Variants in C21orf58 observed in about 807,000 individuals in gnomAD.
C21orf58 encodes the protein chromosome 21 open reading frame 58, also known as uncharacterized protein C21orf58.
In C21orf58, 34 loss-of-function variants were observed where a neutral mutation model predicts 35.8. The ratio of observed to expected loss-of-function variants is 0.95; its 90% confidence interval spans 0.72 to 1.26. C21orf58 has a LOEUF of 1.26. Ranked by LOEUF, C21orf58 falls within the 50% of genes most tolerant of loss-of-function variation. C21orf58 has a pLI of 0.00. For synonymous variants in C21orf58, 191 were observed against 175.8 expected (o/e 1.09, Z -0.68); for missense variants, 440 against 414.3 (o/e 1.06, Z -0.54).
intron 5 of C21orf58, among the ~76,000 whole-genome samples, chr21:46,313,666 G>C (rs2082841801): frequency 6.6e-6 from 1 of 152,186 alleles, no homozygotes; most frequent in Non-Finnish European, 1.5e-5. Flanking sequence ...TCTGGTGCTG[G>C]AAGACAGGAA....
At chr21:46,318,471 C>A in intron 1 of C21orf58, 1 of 1,391,626 alleles carries the variant, frequency 7.2e-7, no homozygotes, top group Non-Finnish European at 9.3e-7. Flanking sequence ...ACCCTCAGAC[C>A]TGGGGGAAGG....
At chr21:46,305,811 G>A (rs751663103) in intron 6 of C21orf58, among the ~76,000 whole-genome samples, 9 of 151,838 alleles carry the variant, frequency 5.9e-5, no homozygotes, top group Middle Eastern at 3.2e-3. Context: ...GCCTGGTGGC[G>A]GGCACATGTA....
chr21:46,316,407 G>T (rs1398587816), intron 3 of C21orf58, among the ~76,000 whole-genome samples: 1 of 152,188 alleles, frequency 6.6e-6, no homozygotes, highest in Non-Finnish European at 1.5e-5. Flanking sequence ...AGTGATCTGA[G>T]ATTGCACCAC....
downstream of C21orf58, chr21:46,300,881 A>C: frequency 9.8e-7 from 1 of 1,025,118 alleles, no homozygotes; most frequent in Non-Finnish European, 1.3e-6. Context: ...ATTGCACCCA[A>C]AAAAAAAAGT....
At chr21:46,315,728 G>T (rs1341848645) in intron 3 of C21orf58, among the ~76,000 whole-genome samples, 181 bp from the exon 4 acceptor site, 1 of 152,176 alleles carries the variant, frequency 6.6e-6, no homozygotes, top group African/African-American at 2.4e-5. Flanking sequence ...CCAGTGTTGG[G>T]TAAGGAGGGC....
rs970250207 is a variant in C21orf58 at position 46,317,605 on chromosome 21, C to A, written c.310-337G>T. On this transcript the variant is annotated intron_variant, in intron 2 of 7. Coordinates refer to ENST00000291691, the MANE Select transcript of C21orf58 (RefSeq NM_058180.5). ...GCCAGTGCATGCCTAGATCACCCCC[C>A]ACCTGAACCCTGAGCTGAGCAGCTA... 5.3e-5 allele frequency among the ~76,000 whole-genome samples: 8 copies of A among 152,260 alleles called. No homozygotes were observed. In the East Asian group the frequency reaches 1.5e-3, roughly 29 times the overall value.
chr21:46,321,462 T>A (rs2083153488), intron 1 of C21orf58, among the ~76,000 whole-genome samples: 1 of 152,252 alleles, frequency 6.6e-6, no homozygotes, highest in Admixed American at 6.5e-5. Flanking sequence ...TAATGTGGTA[T>A]CCATCAGAAC....
chr21:46,305,719 C>T (rs1051371224), intron 6 of C21orf58, among the ~76,000 whole-genome samples: 4 of 152,008 alleles, frequency 2.6e-5, no homozygotes, highest in Non-Finnish European at 5.9e-5. Flanking sequence ...GTGGGCGGAT[C>T]ATGAGGTTAG....
Position 46,302,006 on chromosome 21 carries a change from G to C in C21orf58, c.962C>G (p.Pro321Arg). Residue 321 changes from proline (P) to arginine (R), a missense_variant, in exon 8 of 8, where the codon CCA (proline) becomes CGA (arginine). Physicochemically the swap from Pro to Arg is moderately radical, Grantham distance 103. Transcript: ENST00000291691. ...QPAPSLWTPG[P>R]P ...GGTCTCTGTGACTCACACTCAGGGT[G>C]GGCCAGGCGTCCACAGGCTGGGGGC... 1 of 1,531,558 alleles carries C rather than the reference G, an allele frequency of 6.5e-7. No homozygotes were observed. The highest frequency in any genetic ancestry group is 2.1e-5 in the Admixed American group (1 of 47,956). The allele number at this position is 1,531,558 out of a possible 1,614,324, so 94.9% of individuals were successfully genotyped here.
Position 46,318,212 on chromosome 21 carries a change from G to A in C21orf58, c.109C>T (p.Pro37Ser), listed in dbSNP as rs1397050503. ...SGHSLLCGWS[P>S]GGKARPAGNT... is the part of the protein sequence containing the mutation. ...CCTGCAGGGCGGGCCTTACCTCCTG[G>A]AGACCAGCCTGAGGGAAGAGAAGAG... The change falls in exon 2 of 8, where the codon CCA (proline) becomes TCA (serine). Residue 37 changes from proline (P) to serine (S), a missense_variant. Pro to Ser is a moderately conservative substitution (Grantham distance 74). Transcript: ENST00000291691. The A allele has an allele frequency of 1.9e-6, 3 of 1,612,240 alleles. No homozygotes were observed. The highest frequency in any genetic ancestry group is 1.1e-5 in the South Asian group (1 of 91,068).
intron 3 of C21orf58, among the ~76,000 whole-genome samples, chr21:46,316,011 C>A (rs977934889): frequency 2.6e-5 from 4 of 152,072 alleles, no homozygotes; most frequent in Non-Finnish European, 5.9e-5. Context: ...CTAGTCCGGG[C>A]GTGGTGGCTC....
chr21:46,316,680 G>C (rs531134035), intron 3 of C21orf58, among the ~76,000 whole-genome samples: 1 of 152,248 alleles, frequency 6.6e-6, no homozygotes, highest in Non-Finnish European at 1.5e-5. Context: ...CCCTCGCACT[G>C]GCTCTGCAGT....
intron 5 of C21orf58, 35 bp from the exon 6 acceptor site, chr21:46,311,602 G>A: frequency 7.4e-7 from 1 of 1,347,122 alleles, no homozygotes; most frequent in Non-Finnish European, 1.0e-6. Flanking sequence ...ATCTGCATAT[G>A]TCCTTGAAGA....
chr21:46,312,341 A>G (rs1019527634), intron 5 of C21orf58, among the ~76,000 whole-genome samples: 8 of 151,902 alleles, frequency 5.3e-5, no homozygotes, highest in Non-Finnish European at 1.2e-4. Context: ...TTTTTGAGAC[A>G]AAGTCTTGCT....
At chr21:46,313,022 C>T in intron 5 of C21orf58, 2 of 985,416 alleles carry the variant, frequency 2.0e-6, no homozygotes, top group Non-Finnish European at 2.4e-6. Flanking sequence ...GGCTGCCTGG[C>T]CTTGTCCCTT....
intron 1 of C21orf58, among the ~76,000 whole-genome samples, chr21:46,320,461 G>C (rs1042313819): frequency 7.2e-6 from 1 of 139,466 alleles, no homozygotes; most frequent in African/African-American, 2.8e-5. Flanking sequence ...GTGAGCCAAG[G>C]TGGCACCACT....
intron 6 of C21orf58, among the ~76,000 whole-genome samples, chr21:46,303,741 ATATATTTTTTTTT>A (rs1399433091): frequency 7.4e-4 from 18 of 24,260 alleles, no homozygotes; most frequent in African/African-American, 2.8e-3. Flanking sequence ...ATATATATAT[ATATATTTTTTTTT>A]TTTTTTTTTT....
chr21:46,301,193 G>T lies in C21orf58; in HGVS notation c.*806C>A. 5.1e-6 allele frequency: 3 copies of T among 584,834 alleles called. No individual in the cohort carries two copies. The highest frequency in any genetic ancestry group is 6.5e-6 in the Non-Finnish European group (3 of 463,302). The allele number at this position is 584,834 out of a possible 1,614,324, so 36.2% of individuals were successfully genotyped here. On this transcript the variant is annotated 3_prime_UTR_variant, in exon 8 of 8. Transcript: ENST00000291691. ...GGCCTGCTCTGTGGTCCAGGCTATA[G>T]TGCAGTGGTTCCATCAGAGCTCACT... is the stretch of plus-strand genomic sequence containing the variant.
At chr21:46,310,893 G>A (rs1464771739) in intron 6 of C21orf58, among the ~76,000 whole-genome samples, 2 of 151,836 alleles carry the variant, frequency 1.3e-5, no homozygotes, top group African/African-American at 4.8e-5. Context: ...TTTTGAGACA[G>A]AGTCTCACTC....
Sources: allele counts gnomAD v4.1 joint callset (sites outside exome capture counted in the v4.1 genomes callset), GRCh38; gene constraint gnomAD v4.1.1; transcripts MANE v1.5; gene names NCBI Gene and HGNC (gene_info 2026-07-23, HGNC 2026-07-21).